PAX5: variants seen among roughly 807,000 people sequenced by gnomAD.
The protein encoded by PAX5 is paired box protein Pax-5.
In PAX5, 9 loss-of-function variants were observed where a neutral mutation model predicts 43.7. The ratio of observed to expected loss-of-function variants is 0.21; its 90% CI spans 0.12 to 0.36. The LOEUF (loss-of-function observed/expected upper bound fraction) is 0.36. Among genes scored for constraint, PAX5 ranks in the 10% least tolerant of loss-of-function variants. The pLI, the probability that PAX5 is intolerant of heterozygous loss-of-function variation, is 1.00. For synonymous variants in PAX5, 228 were observed against 214.3 expected (o/e 1.06, Z -0.56); for missense variants, 383 against 532.7 (o/e 0.72, Z 2.77).
In PAX5 at chr9:36,980,426, G is replaced by A. The variant is rs76456404; in HGVS notation, c.605-13702C>T. Among the ~76,000 whole-genome samples, 1,499 of 152,342 alleles carry A rather than the reference G, an allele frequency of 9.8e-3. 22 individuals carry two copies. The highest frequency in any genetic ancestry group is 0.034 in the African/African-American group (1,406 of 41,560). ...CCAGAGACAGGGCTGGGGATTAGGA[G>A]CTGGTTAAGGGTTGGGGGAGGGGCT... is the stretch of plus-strand genomic sequence containing the variant. On this transcript the variant is annotated intron_variant, in intron 5 of 9. Transcript: ENST00000358127.
intron 5 of PAX5, among the ~76,000 whole-genome samples, chr9:36,998,295 C>G (rs1837560692): frequency 6.6e-6 from 1 of 152,202 alleles, no homozygotes; most frequent in Non-Finnish European, 1.5e-5. Flanking sequence ...TCTAGAATCT[C>G]TATACTGAAA....
chr9:36,923,458 C>T lies in PAX5; in HGVS notation c.807G>A (p.Ser269=), dbSNP rs371066564. 58 of 1,611,794 alleles carry T rather than the reference C, an allele frequency of 3.6e-5. No individual in the cohort carries two copies. The Admixed American group carries it at 5.8e-4, about 16-fold the overall frequency. ...TCATGTCGTCCAGCCCACCAGCCAG[C>T]GAGGCCATGGCTGAATACTCTGTGG... ...EQTTEYSAMA[S]LAGGLDDMKA... The change falls in exon 7 of 10, where the codon TCG becomes TCA. Residue 269 remains serine, a synonymous_variant. Coordinates refer to ENST00000358127, the MANE Select transcript of PAX5 (RefSeq NM_016734.3).
intron 8 of PAX5, among the ~76,000 whole-genome samples, chr9:36,873,412 G>T (rs538809270): frequency 1.3e-5 from 2 of 152,326 alleles, no homozygotes; most frequent in African/African-American, 4.8e-5. Flanking sequence ...GCTGTGTCTA[G>T]GATTCCCCAG....
chr9:36,852,431 A>G (rs1343094954), intron 8 of PAX5, among the ~76,000 whole-genome samples: 1 of 152,222 alleles, frequency 6.6e-6, no homozygotes, highest in Non-Finnish European at 1.5e-5. Context: ...GCAGTCCCTC[A>G]GAGGCCAGGT....
At chr9:36,955,794 T>C (rs1188163332) in intron 6 of PAX5, among the ~76,000 whole-genome samples, 1 of 146,238 alleles carries the variant, frequency 6.8e-6, no homozygotes, top group Non-Finnish European at 1.5e-5. Flanking sequence ...TATATATATA[T>C]ATATATATAC....
At chr9:36,960,794 A>G (rs1311002127) in intron 6 of PAX5, among the ~76,000 whole-genome samples, 1 of 152,056 alleles carries the variant, frequency 6.6e-6, no homozygotes, top group Non-Finnish European at 1.5e-5. Flanking sequence ...TCAACCATCC[A>G]GGCCCCCTTG....
At chr9:36,845,943 T>C (rs545027825) in intron 9 of PAX5, among the ~76,000 whole-genome samples, 37 of 152,350 alleles carry the variant, frequency 2.4e-4, no homozygotes, top group African/African-American at 8.4e-4. Flanking sequence ...GGCCCTTCCA[T>C]GTCTGACCTT....
Position 36,846,831 on chromosome 9 carries a change from G to T in PAX5, c.1099+12C>A, listed in dbSNP as rs199885584. ...GGCCCAAGGGCCCCGCAGGGCCTCC[G>T]CCAGTACTCACCAAGCAGCCCCGGG... On this transcript the variant is annotated intron_variant, in intron 9 of 9. Transcript: ENST00000358127. 2.5e-6 allele frequency: 4 copies of T among 1,607,244 alleles called. No homozygotes were observed.
rs1053882946 is a variant in PAX5 at position 36,879,748 on chromosome 9, G to A, written c.1012+2256C>T. ...GCGTCATAGCACTCAGGGGAAGTCC[G>A]TGTTCTATAAGGCACTACATAAATG... On this transcript the variant is annotated intron_variant, in intron 8 of 9. Transcript: ENST00000358127. Among the ~76,000 whole-genome samples, 7 of 152,328 alleles carry A rather than the reference G, an allele frequency of 4.6e-5. No individual in the cohort carries two copies. In the South Asian group the frequency reaches 1.0e-3, roughly 23 times the overall value.
intron 6 of PAX5, among the ~76,000 whole-genome samples, chr9:36,945,704 G>T (rs534649299): frequency 1.3e-5 from 2 of 152,156 alleles, no homozygotes; most frequent in Non-Finnish European, 2.9e-5. Flanking sequence ...TGGATCAGCC[G>T]GTCCAATTGT....
At chr9:36,910,467 G>A (rs925393536) in intron 7 of PAX5, among the ~76,000 whole-genome samples, 19 of 152,108 alleles carry the variant, frequency 1.2e-4, no homozygotes, top group African/African-American at 4.3e-4. Context: ...TGGACATTGG[G>A]GTGTATCTCC....
intron 5 of PAX5, among the ~76,000 whole-genome samples, chr9:36,978,855 G>A (rs1835672644): frequency 6.6e-6 from 1 of 152,170 alleles, no homozygotes; most frequent in African/African-American, 2.4e-5. Flanking sequence ...ACCCGCAGCA[G>A]GCAGCCCCAG....
At chr9:36,929,519 G>A (rs946319350) in intron 6 of PAX5, among the ~76,000 whole-genome samples, 10 of 152,174 alleles carry the variant, frequency 6.6e-5, no homozygotes, top group Admixed American at 2.6e-4. Context: ...AGAATCACAG[G>A]CAACAGCTGT....
intron 2 of PAX5, among the ~76,000 whole-genome samples, chr9:37,020,434 C>G (rs1238677047): frequency 6.6e-6 from 1 of 152,156 alleles, no homozygotes; most frequent in African/African-American, 2.4e-5. Context: ...CTGACTAAGT[C>G]ACCCTATTCC....
chr9:36,939,787 G>A (rs1333158497), intron 6 of PAX5, among the ~76,000 whole-genome samples: 1 of 152,178 alleles, frequency 6.6e-6, no homozygotes, highest in Non-Finnish European at 1.5e-5. Context: ...GGGAGAGAGA[G>A]AGGGAGAGAG....
At chr9:36,902,850 G>A (rs932398819) in intron 7 of PAX5, among the ~76,000 whole-genome samples, 12 of 152,156 alleles carry the variant, frequency 7.9e-5, no homozygotes, top group African/African-American at 2.4e-4. Context: ...TATAACATTC[G>A]GGGCTGATAT....
In PAX5 at chr9:36,995,703, T is replaced by C. The variant is rs143136045; in HGVS notation, c.604+6945A>G. 3.3e-5 allele frequency among the ~76,000 whole-genome samples: 5 copies of C among 152,252 alleles called. No homozygotes were observed. In the East Asian group the frequency reaches 9.7e-4, roughly 29 times the overall value. On this transcript the variant is annotated intron_variant, in intron 5 of 9. Coordinates refer to ENST00000358127, the MANE Select transcript of PAX5 (RefSeq NM_016734.3). ...AGACCGCCTCTCTTCTCTGAGCCTG[T>C]TTTCCCATGCGAATGACGGAGCGGG...
At chr9:36,999,349 G>A (rs1438572731) in intron 5 of PAX5, among the ~76,000 whole-genome samples, 1 of 152,090 alleles carries the variant, frequency 6.6e-6, no homozygotes. Flanking sequence ...GTCAAAACTG[G>A]CCCTCCCTGC....
chr9:36,843,258 A>G (rs1029673762), intron 9 of PAX5, among the ~76,000 whole-genome samples: 1 of 152,188 alleles, frequency 6.6e-6, no homozygotes, highest in Non-Finnish European at 1.5e-5. Flanking sequence ...TGTCACGAAT[A>G]ACCCATCTAG....
Sources: allele counts gnomAD v4.1 joint callset (sites outside exome capture counted in the v4.1 genomes callset), GRCh38; gene constraint gnomAD v4.1.1; transcripts MANE v1.5; gene names NCBI Gene and HGNC (gene_info 2026-07-23, HGNC 2026-07-21).